CARMIL1: variants seen among roughly 807,000 people sequenced by gnomAD.
CARMIL1 encodes the protein capping protein regulator and myosin 1 linker 1.
CARMIL1 carries 90 observed loss-of-function variants against 177.1 expected under a neutral mutation model. The observed-to-expected ratio is 0.51, with a 90% CI of 0.43 to 0.61. The LOEUF (loss-of-function observed/expected upper bound fraction) is 0.61, where lower values mean the gene tolerates loss of function less well. CARMIL1 is among the 20% of genes least tolerant of loss of function. The pLI is 0.00. For synonymous variants in CARMIL1, 577 were observed against 606.2 expected (o/e 0.95, Z 0.71); for missense variants, 1,380 against 1,667.0 (o/e 0.83, Z 3.00).
chr6:25,381,094 G>T (rs1277375314), intron 2 of CARMIL1, among the ~76,000 whole-genome samples: 5 of 152,176 alleles, frequency 3.3e-5, no homozygotes, highest in Non-Finnish European at 7.3e-5. Flanking sequence ...TCCAGAGGTT[G>T]TGTTTTCCTG....
intron 2 of CARMIL1, among the ~76,000 whole-genome samples, chr6:25,307,100 C>T (rs1783334999): frequency 1.3e-5 from 2 of 152,038 alleles, no homozygotes; most frequent in Non-Finnish European, 1.5e-5. Context: ...AGGCTGGTCT[C>T]GAACTCCTGA....
intron 2 of CARMIL1, among the ~76,000 whole-genome samples, chr6:25,352,609 A>G (rs1348695167): frequency 6.6e-6 from 1 of 152,154 alleles, no homozygotes; most frequent in South Asian, 2.1e-4. Context: ...ACAGATTGGT[A>G]AATGTTTTTT....
intron 29 of CARMIL1, among the ~76,000 whole-genome samples, chr6:25,576,616 A>G (rs537990304): frequency 6.6e-6 from 1 of 152,294 alleles, no homozygotes; most frequent in East Asian, 1.9e-4. Context: ...TCTGTCCATT[A>G]TATGCTTTGG....
At chr6:25,580,375 T>A (rs1813019700) in intron 29 of CARMIL1, among the ~76,000 whole-genome samples, 1 of 152,144 alleles carries the variant, frequency 6.6e-6, no homozygotes, top group African/African-American at 2.4e-5. Flanking sequence ...ATTAACAGGA[T>A]CAAAGACATT....
intron 2 of CARMIL1, among the ~76,000 whole-genome samples, chr6:25,377,675 A>G (rs1215330677): frequency 1.3e-5 from 2 of 152,214 alleles, no homozygotes; most frequent in Non-Finnish European, 2.9e-5. Flanking sequence ...TGGTTGTAGT[A>G]GTAGATGAAC....
chr6:25,368,023 G>A (rs1790020283), intron 2 of CARMIL1, among the ~76,000 whole-genome samples: 1 of 152,180 alleles, frequency 6.6e-6, no homozygotes, highest in South Asian at 2.1e-4. Context: ...ACCTCCCAAA[G>A]TGTTGGGATT....
At chr6:25,556,875 C>T (rs761447413) in intron 29 of CARMIL1, 25 bp downstream of exon 29, 24 of 1,605,206 alleles carry the variant, frequency 1.5e-5, no homozygotes, top group South Asian at 1.3e-4. Flanking sequence ...CTGGTGGTAC[C>T]GTTACCCTTT....
chr6:25,306,805 A>G (rs185162978), intron 2 of CARMIL1, among the ~76,000 whole-genome samples: 47 of 150,604 alleles, frequency 3.1e-4, no homozygotes, highest in African/African-American at 1.0e-3. Flanking sequence ...TCTTTTGAGT[A>G]TATACCTAGG....
At chr6:25,410,802 T>G (rs1794836551) in intron 2 of CARMIL1, among the ~76,000 whole-genome samples, 1 of 152,204 alleles carries the variant, frequency 6.6e-6, no homozygotes, top group South Asian at 2.1e-4. Flanking sequence ...CAATTTCCTT[T>G]AAGTAAATTT....
At chr6:25,559,432 G>A (rs1432416309) in intron 29 of CARMIL1, among the ~76,000 whole-genome samples, 3 of 152,158 alleles carry the variant, frequency 2.0e-5, no homozygotes, top group African/African-American at 7.2e-5. Flanking sequence ...TCTATCTTAA[G>A]TGATCCGGAA....
intron 2 of CARMIL1, among the ~76,000 whole-genome samples, chr6:25,407,101 T>C (rs1341046860): frequency 6.6e-6 from 1 of 152,110 alleles, no homozygotes; most frequent in Non-Finnish European, 1.5e-5. Flanking sequence ...GATTGGCACC[T>C]CAAGCAGGAG....
At chr6:25,318,710 G>A (rs958386317) in intron 2 of CARMIL1, among the ~76,000 whole-genome samples, 2 of 152,104 alleles carry the variant, frequency 1.3e-5, no homozygotes, top group African/African-American at 2.4e-5. Flanking sequence ...GAGACCCCAC[G>A]TGGGAGCTGC....
chr6:25,451,987 C>CCCCCTCCT, intron 8 of CARMIL1: 3 of 62,880 alleles, frequency 4.8e-5, no homozygotes, highest in Admixed American at 3.9e-4. Context: ...TAGCATCTTG[C>CCCCCTCCT]CCCCCCCTCC....
intron 35 of CARMIL1, 43 bp from the exon 36 acceptor site, chr6:25,610,007 C>A: frequency 6.4e-7 from 1 of 1,559,442 alleles, no homozygotes; most frequent in Non-Finnish European, 8.7e-7. Context: ...TCTTGGAATC[C>A]AGTTTGTGGA....
At chr6:25,529,475 T>G (rs976403701) in intron 24 of CARMIL1, among the ~76,000 whole-genome samples, 1 of 152,058 alleles carries the variant, frequency 6.6e-6, no homozygotes, top group African/African-American at 2.4e-5. Context: ...TTCCAAAAAT[T>G]AACCAAAACC....
intron 31 of CARMIL1, among the ~76,000 whole-genome samples, chr6:25,592,137 G>A (rs574120680): frequency 1.3e-5 from 2 of 152,048 alleles, no homozygotes; most frequent in Non-Finnish European, 2.9e-5. Flanking sequence ...TCCTGGGGTC[G>A]CATCTTTCTT....
chr6:25,458,394 CAGG>C (rs1232165007), intron 8 of CARMIL1, among the ~76,000 whole-genome samples: 5 of 141,550 alleles, frequency 3.5e-5, no homozygotes, highest in African/African-American at 1.3e-4. Flanking sequence ...GAGCCTGAGG[CAGG>C]AGAATTGCTT....
rs1759645161 is a variant in CARMIL1 at position 25,620,396 on chromosome 6, A to G, written c.*813A>G. On this transcript the variant is annotated 3_prime_UTR_variant, in exon 37 of 37. Transcript: ENST00000329474. Reference sequence around the variant, plus strand: ...AGCTTTTAATGTGTGATTTTAAGAGAGAATACTTTGACACCTGTAAAAATC... The same window carrying G: ...AGCTTTTAATGTGTGATTTTAAGAGGGAATACTTTGACACCTGTAAAAATC... The G allele has an allele frequency of 6.6e-6, 1 of 152,228 alleles. No homozygotes were observed. The highest frequency in any genetic ancestry group is 1.5e-5 in the Non-Finnish European group (1 of 68,036). The allele number at this position is 152,228 out of a possible 1,614,324, so 9.4% of individuals were successfully genotyped here.
At chr6:25,488,404 T>C (rs564706139) in intron 12 of CARMIL1, 78 bp from the exon 13 acceptor site, 2 of 1,005,432 alleles carry the variant, frequency 2.0e-6, no homozygotes, top group Admixed American at 3.4e-5. Context: ...GATGGAAGTG[T>C]TGGGCCATTT....
Sources: gnomAD v4.1 joint callset for allele counts (sites outside exome capture counted in the v4.1 genomes callset) on GRCh38, gnomAD v4.1.1 for gene constraint, MANE v1.5 for transcripts, NCBI Gene and HGNC (gene_info 2026-07-23, HGNC 2026-07-21) for gene names.